SCCPDH: variants seen among roughly 807,000 people sequenced by gnomAD.
SCCPDH encodes saccharopine dehydrogenase-like oxidoreductase.
A neutral mutation model predicts 51.5 loss-of-function variants in SCCPDH; 34 were observed. The observed-to-expected ratio is 0.66, with a 90% confidence interval of 0.50 to 0.88. The LOEUF is 0.88. Ranked by LOEUF, SCCPDH falls within the 40% of genes least tolerant of loss-of-function variation. SCCPDH has a pLI of 0.00. For missense variants in SCCPDH, 464 were observed against 527.1 expected (o/e 0.88, Z 1.17); for synonymous variants, 187 against 191.3 (o/e 0.98, Z 0.19).
intron 9 of SCCPDH, among the ~76,000 whole-genome samples, chr1:246,762,647 G>A (rs1327700128): frequency 6.6e-6 from 1 of 152,016 alleles, no homozygotes; most frequent in Non-Finnish European, 1.5e-5. Context: ...TTCAAGACCA[G>A]CCTGGCCAAC....
intron 5 of SCCPDH, among the ~76,000 whole-genome samples, chr1:246,746,551 AAAG>A (rs1668764309): frequency 6.6e-6 from 1 of 152,130 alleles, no homozygotes; most frequent in Admixed American, 6.6e-5. Flanking sequence ...ATAAGAATAA[AAAG>A]AAGTGGCTAG....
At chr1:246,732,246 T>A (rs142791216) in intron 2 of SCCPDH, among the ~76,000 whole-genome samples, 89 of 152,270 alleles carry the variant, frequency 5.8e-4, no homozygotes, top group African/African-American at 2.0e-3. Flanking sequence ...TAGGGCCTAT[T>A]TATAGTAAAT....
chr1:246,724,930 C>T (rs758714691), intron 1 of SCCPDH, among the ~76,000 whole-genome samples: 21 of 152,030 alleles, frequency 1.4e-4, no homozygotes, highest in Non-Finnish European at 2.8e-4. Context: ...TTGAGTTGTC[C>T]CTCTCTCTGC....
chr1:246,731,104 G>A (rs547757638), intron 2 of SCCPDH, among the ~76,000 whole-genome samples: 6 of 152,264 alleles, frequency 3.9e-5, no homozygotes, highest in Admixed American at 1.3e-4. Context: ...GCAGGATTGC[G>A]GTTCTGACCT....
At chr1:246,740,624 A>G (rs553319357) in intron 4 of SCCPDH, among the ~76,000 whole-genome samples, 82 of 152,264 alleles carry the variant, frequency 5.4e-4, no homozygotes, top group Non-Finnish European at 1.0e-3. Flanking sequence ...ATTTTAAAGC[A>G]TAATTTGTAT....
In SCCPDH at chr1:246,758,248, C is replaced by A; in HGVS notation, c.587C>A (p.Thr196Asn). The change falls in exon 6 of 12, where the codon ACC (threonine) becomes AAC (asparagine). Residue 196 changes from threonine (T) to asparagine (N), a missense_variant. By Grantham distance (65) the Thr-to-Asn change is moderately conservative. Coordinates refer to ENST00000366510, the MANE Select transcript of SCCPDH (RefSeq NM_016002.3). ...TAGGGGTTGAGCATTCATGATGGTA[C>A]CTGGAAGTCAGCAATTTATGGTTTT... is the stretch of plus-strand genomic sequence containing the variant. ...GPEGLSIHDG[T>N]WKSAIYGFGD... The A allele has an allele frequency of 1.2e-6, 2 of 1,601,266 alleles. No individual in the cohort carries two copies. Among genetic ancestry groups the A allele is most frequent in the East Asian group, 2.3e-5 (1 of 44,240 alleles).
chr1:246,758,654 TATG>T (rs1409251746), intron 6 of SCCPDH, among the ~76,000 whole-genome samples: 20 of 152,216 alleles, frequency 1.3e-4, no homozygotes, highest in Non-Finnish European at 2.5e-4. Flanking sequence ...AAGTGAATCT[TATG>T]ATGACTTTTC....
chr1:246,761,132 C>T (rs1669006203), intron 9 of SCCPDH, among the ~76,000 whole-genome samples: 1 of 151,988 alleles, frequency 6.6e-6, no homozygotes, highest in African/African-American at 2.4e-5. Context: ...TTGTTCCATC[C>T]CGACCTTCTT....
chr1:246,758,919 G>T (rs1333725853), intron 6 of SCCPDH, 115 bp from the exon 7 acceptor site: 2 of 749,876 alleles, frequency 2.7e-6, no homozygotes, highest in Non-Finnish European at 4.9e-6. Context: ...CTCCCAAAGT[G>T]CTGGGATTAC....
intron 3 of SCCPDH, 123 bp from the exon 4 acceptor site, chr1:246,740,049 C>T (rs1668654787): frequency 1.5e-6 from 1 of 648,988 alleles, no homozygotes; most frequent in Non-Finnish European, 2.5e-6. Context: ...TAATGTTTTG[C>T]TGCAGAGCCA....
At chr1:246,730,739 A>G (rs1465197807) in intron 2 of SCCPDH, among the ~76,000 whole-genome samples, 1 of 152,174 alleles carries the variant, frequency 6.6e-6, no homozygotes. Context: ...GGGGAAGACT[A>G]CTTGGGAGAC....
Position 246,740,218 on chromosome 1 carries a change from A to G in SCCPDH, c.431A>G (p.Lys144Arg), listed in dbSNP as rs904344431. The change falls in exon 4 of 12, where the codon AAA becomes AGA. Residue 144 changes from lysine to arginine, a missense_variant. Transcript: ENST00000366510. The stretch of plus-strand genomic sequence containing the variant: ...AAGTATCATGAGAAAGCTGCAGACA[A>G]AGGGGTTTATATCATTGGAAGCAGC... ...QLKYHEKAAD[K>R]GVYIIGSSGF... 2 of 1,607,772 alleles carry G rather than the reference A, an allele frequency of 1.2e-6. No homozygotes were observed. The highest frequency in any genetic ancestry group is 8.5e-7 in the Non-Finnish European group (1 of 1,175,302).
At chr1:246,746,539 T>C (rs1451310285) in intron 5 of SCCPDH, among the ~76,000 whole-genome samples, 1 of 152,174 alleles carries the variant, frequency 6.6e-6, no homozygotes, top group Non-Finnish European at 1.5e-5. Flanking sequence ...GTCTCCTCCC[T>C]TATAAGAATA....
chr1:246,737,449 T>G (rs927580435), intron 3 of SCCPDH, among the ~76,000 whole-genome samples: 1 of 152,016 alleles, frequency 6.6e-6, no homozygotes, highest in Admixed American at 6.6e-5. Flanking sequence ...GCCACTGCAC[T>G]CCAGCCTGGG....
intron 3 of SCCPDH, among the ~76,000 whole-genome samples, chr1:246,739,967 GC>G (rs1668653906): frequency 6.6e-6 from 1 of 152,068 alleles, no homozygotes; most frequent in African/African-American, 2.4e-5. Context: ...AGTCAGACGA[GC>G]ACAACTTCTG....
At chr1:246,748,849 A>G (rs188063215) in intron 5 of SCCPDH, among the ~76,000 whole-genome samples, 28 of 152,270 alleles carry the variant, frequency 1.8e-4, no homozygotes, top group African/African-American at 6.5e-4. Flanking sequence ...GTGCTGCTCT[A>G]ATTACTTGCA....
At chr1:246,756,778 A>G (rs1668938808) in intron 5 of SCCPDH, among the ~76,000 whole-genome samples, 1 of 152,232 alleles carries the variant, frequency 6.6e-6, no homozygotes, top group Non-Finnish European at 1.5e-5. Flanking sequence ...CAAAGCTGAG[A>G]TAGGAAAACC....
At chr1:246,738,311 G>C (rs1472898337) in intron 3 of SCCPDH, among the ~76,000 whole-genome samples, 2 of 151,924 alleles carry the variant, frequency 1.3e-5, no homozygotes, top group East Asian at 1.9e-4. Flanking sequence ...AAGAGATCGA[G>C]ACCATCTTGG....
At chr1:246,752,397 G>A (rs1480429714) in intron 5 of SCCPDH, among the ~76,000 whole-genome samples, 1 of 152,134 alleles carries the variant, frequency 6.6e-6, no homozygotes, top group Non-Finnish European at 1.5e-5. Flanking sequence ...ACGGTAGTCT[G>A]TTTGGCTATC....
Sources: gnomAD v4.1 joint callset for allele counts (sites outside exome capture counted in the v4.1 genomes callset) on GRCh38, gnomAD v4.1.1 for gene constraint, MANE v1.5 for transcripts, NCBI Gene and HGNC (gene_info 2026-07-23, HGNC 2026-07-21) for gene names.